The following CNTRL variants were observed in gnomAD, a reference collection of about 807,000 sequenced individuals.
The protein encoded by CNTRL is 110 kDa centrosomal protein.
A neutral mutation model predicts 303.7 loss-of-function variants in CNTRL; 233 were observed. The observed-to-expected ratio is 0.77, with a 90% CI of 0.69 to 0.86. The LOEUF is 0.86. Ranked by LOEUF, CNTRL falls within the 40% of genes least tolerant of loss-of-function variation. CNTRL has a pLI of 0.00. For missense variants in CNTRL, 2,524 were observed against 2,650.6 expected, an observed-to-expected ratio of 0.95 and a Z score of 1.05; for synonymous variants, 900 against 922.2, an observed-to-expected ratio of 0.98 and a Z score of 0.44.
At chr9:121,136,611 G>A (rs7864675) in intron 15 of CNTRL, among the ~76,000 whole-genome samples, 18,087 of 152,192 alleles carry the variant, frequency 0.12, 1,218 homozygotes, top group East Asian at 0.18. Context: ...GTGCCTGGCC[G>A]AGACCTCTTT....
intron 13 of CNTRL, 64 bp downstream of exon 13, chr9:121,124,148 G>C: frequency 2.2e-6 from 3 of 1,390,896 alleles, no homozygotes; most frequent in Non-Finnish European, 2.9e-6. Context: ...ACATTATAAA[G>C]ACAAGCATTA....
chr9:121,123,469 C>G (rs1396951809), intron 12 of CNTRL, among the ~76,000 whole-genome samples: 1 of 152,142 alleles, frequency 6.6e-6, no homozygotes, highest in East Asian at 1.9e-4. Flanking sequence ...TGTGGTGGCC[C>G]GCACCTGTAG....
intron 24 of CNTRL, 106 bp downstream of exon 24, chr9:121,148,967 C>A (rs1038798251): frequency 1.9e-5 from 19 of 1,019,646 alleles, no homozygotes; most frequent in Non-Finnish European, 2.6e-5. Flanking sequence ...TAGCTAGCTC[C>A]ATGAGGTCTT....
chr9:121,099,790 A>G (rs994548299), intron 7 of CNTRL, among the ~76,000 whole-genome samples: 3 of 152,228 alleles, frequency 2.0e-5, no homozygotes, highest in Admixed American at 6.5e-5. Flanking sequence ...GATTCGATCA[A>G]CTGGAAGAAA....
chr9:121,164,916 G>T, intron 34 of CNTRL, 27 bp from the exon 35 acceptor site: 1 of 1,592,328 alleles, frequency 6.3e-7, no homozygotes, highest in South Asian at 1.1e-5. Context: ...TTGTATATTT[G>T]ACAGTCTGAC....
chr9:121,150,753 A>AG lies in CNTRL; in HGVS notation c.3963+270_3963+271insG, dbSNP rs551165256. On this transcript the variant is annotated intron_variant, in intron 25 of 43. Transcript: ENST00000373855. ...AGGCCAGCCCCGGTAACAGCAAAAAACAAAAACCAAAAAAACAAAAATACC... is the reference window on the plus strand; with the variant it reads ...AGGCCAGCCCCGGTAACAGCAAAAAAGCAAAAACCAAAAAAACAAAAATACC... 2,180 of 387,366 alleles carry AG rather than the reference A, an allele frequency of 5.6e-3. 12 individuals carry two copies. The highest frequency in any genetic ancestry group is 8.3e-3 in the Non-Finnish European group (1,808 of 217,266). 24.0% of individuals were successfully genotyped at this position (387,366 alleles called of 1,614,324 possible). A position where few individuals can be genotyped will look rare whatever the true frequency, so the allele number is the denominator to read the frequency against.
chr9:121,076,646 A>G (rs1392133723), intron 1 of CNTRL, among the ~76,000 whole-genome samples: 1 of 152,076 alleles, frequency 6.6e-6, no homozygotes, highest in African/African-American at 2.4e-5. Context: ...TTACTGTGTT[A>G]GGGAACTGGG....
chr9:121,162,579 A>G (rs1426400499), intron 34 of CNTRL, among the ~76,000 whole-genome samples: 1 of 152,180 alleles, frequency 6.6e-6, no homozygotes. Context: ...GTTCTGTTCA[A>G]ATTGATCTCT....
Position 121,088,280 on chromosome 9 carries a change from C to A in CNTRL, c.-31-16C>A. ...TTAAAAATTAATCTTGTTGAATATA[C>A]TGAAAACTCTTACAGGTTTTGATGA... On this transcript the variant is annotated splice_polypyrimidine_tract_variant and intron_variant, in intron 2 of 43. Coordinates refer to ENST00000373855, the MANE Select transcript of CNTRL (RefSeq NM_007018.6). The A allele has an allele frequency of 1.7e-6, 2 of 1,172,480 alleles. No individual in the cohort carries two copies. Among genetic ancestry groups the A allele is most frequent in the Non-Finnish European group, 2.5e-6 (2 of 790,664 alleles). 72.6% of individuals were successfully genotyped at this position (1,172,480 alleles called of 1,614,324 possible).
Position 121,135,702 on chromosome 9 carries a change from C to G in CNTRL, c.2026-104C>G, listed in dbSNP as rs7860501. 4.3e-4 allele frequency: 440 copies of G among 1,030,912 alleles called. No homozygotes were observed. The African/African-American group carries it at 6.2e-3, about 14-fold the overall frequency. The allele number at this position is 1,030,912 out of a possible 1,614,324, so 63.9% of individuals were successfully genotyped here. A position where few individuals can be genotyped will look rare whatever the true frequency, so the allele number is the denominator to read the frequency against. ...AAAACTTTGTGGCAGGCATCAGTAG[C>G]TGGCCAGCATTTGGTTTACAGTGCT... On this transcript the variant is annotated intron_variant, in intron 14 of 43. Transcript: ENST00000373855.
intron 7 of CNTRL, among the ~76,000 whole-genome samples, chr9:121,101,391 G>C (rs1445390767): frequency 2.0e-5 from 3 of 152,098 alleles, no homozygotes; most frequent in Non-Finnish European, 4.4e-5. Flanking sequence ...TCTAGGACAC[G>C]TTTAAAGCAG....
intron 3 of CNTRL, 26 bp downstream of exon 3, chr9:121,088,569 G>T (rs771692398): frequency 6.7e-7 from 1 of 1,484,008 alleles, no homozygotes. Context: ...CTAAGAATTG[G>T]TCTGACCACA....
At chr9:121,107,409 G>C (rs1048152205) in intron 7 of CNTRL, among the ~76,000 whole-genome samples, 2 of 152,186 alleles carry the variant, frequency 1.3e-5, no homozygotes, top group South Asian at 2.1e-4. Flanking sequence ...CTTATCCTAA[G>C]AGTAACAGGA....
chr9:121,117,554 CAA>C (rs1450988121), intron 11 of CNTRL, among the ~76,000 whole-genome samples: 5 of 152,172 alleles, frequency 3.3e-5, no homozygotes, highest in Non-Finnish European at 5.9e-5. Context: ...TAGAGTCACA[CAA>C]AGTCTTGCTT....
intron 14 of CNTRL, among the ~76,000 whole-genome samples, chr9:121,131,977 C>A (rs1281708967): frequency 2.0e-5 from 3 of 152,236 alleles, no homozygotes; most frequent in Non-Finnish European, 4.4e-5. Context: ...TCTCTTCTGG[C>A]TTGTAGAGTT....
Position 121,158,441 on chromosome 9 carries a change from A to G in CNTRL, c.4764+332A>G, listed in dbSNP as rs1588299245. The stretch of plus-strand genomic sequence containing the variant: ...TGTTGTCTTCCTTTTGCATATCTGC[A>G]TGGTCTTCTTTTTTTTTTGTAAACA... On this transcript the variant is annotated intron_variant, in intron 30 of 43. Transcript: ENST00000373855. 10 of 253,588 alleles carry G rather than the reference A, an allele frequency of 3.9e-5. No homozygotes were observed. In the East Asian group the frequency reaches 6.6e-4, roughly 17 times the overall value. The allele number at this position is 253,588 out of a possible 1,614,324, so 15.7% of individuals were successfully genotyped here.
At position 121,118,277 on chromosome 9, in the gene CNTRL, T is replaced by C. The variant is rs1305771757; in HGVS notation, c.1456-69T>C. 1.3e-5 allele frequency: 16 copies of C among 1,211,648 alleles called. No homozygotes were observed. In the Admixed American group the frequency reaches 1.9e-4, roughly 14 times the overall value. 75.1% of individuals were successfully genotyped at this position (1,211,648 alleles called of 1,614,324 possible). Reference sequence around the variant, plus strand: ...GAATATAGAATACTTATTAAAATTATAGACATTGTCTTAATAAATCAGTGT... The same window carrying C: ...GAATATAGAATACTTATTAAAATTACAGACATTGTCTTAATAAATCAGTGT... On this transcript the variant is annotated intron_variant, in intron 11 of 43. Coordinates refer to ENST00000373855, the MANE Select transcript of CNTRL (RefSeq NM_007018.6).
intron 14 of CNTRL, among the ~76,000 whole-genome samples, chr9:121,135,067 G>A (rs1347553162): frequency 3.3e-5 from 5 of 152,200 alleles, no homozygotes; most frequent in Non-Finnish European, 7.3e-5. Context: ...TCTTTAATCT[G>A]TAATAGTTTG....
intron 8 of CNTRL, among the ~76,000 whole-genome samples, chr9:121,110,104 T>C (rs1304294164): frequency 1.3e-5 from 2 of 152,152 alleles, no homozygotes; most frequent in Non-Finnish European, 2.9e-5. Flanking sequence ...AATTAATGTA[T>C]AAAAGAAAAG....
Sources: gnomAD v4.1 joint callset for allele counts (sites outside exome capture counted in the v4.1 genomes callset) on GRCh38, gnomAD v4.1.1 for gene constraint, MANE v1.5 for transcripts, NCBI Gene and HGNC (gene_info 2026-07-23, HGNC 2026-07-21) for gene names.